STAM: variants seen among roughly 807,000 people sequenced by gnomAD.
STAM encodes the protein signal transducing adaptor molecule, also known as signal transducing adapter molecule 1.
A neutral mutation model predicts 63.4 loss-of-function variants in STAM; 16 were observed. The ratio of observed to expected loss-of-function variants is 0.25; its 90% confidence interval spans 0.17 to 0.38. STAM has a LOEUF of 0.38. Among genes scored for constraint, STAM ranks in the 10% least tolerant of loss-of-function variants. STAM has a pLI of 1.00. For missense variants in STAM, 636 were observed against 657.1 expected (o/e 0.97, Z 0.35); for synonymous variants, 238 against 223.9 (o/e 1.06, Z -0.56).
intron 12 of STAM, among the ~76,000 whole-genome samples, chr10:17,707,560 A>T (rs2131692232): frequency 6.6e-6 from 1 of 152,234 alleles, no homozygotes; most frequent in South Asian, 2.1e-4. Context: ...GGCCCAAGAA[A>T]CTTGGGGCTA....
chr10:17,669,774 C>T (rs782414046), intron 2 of STAM, among the ~76,000 whole-genome samples: 7 of 151,166 alleles, frequency 4.6e-5, no homozygotes, highest in East Asian at 3.9e-4. Context: ...CTCAGCTCAC[C>T]GCAAATGCCG....
At chr10:17,702,192 A>G (rs1393825364) in intron 9 of STAM, among the ~76,000 whole-genome samples, 7 of 152,158 alleles carry the variant, frequency 4.6e-5, no homozygotes, top group African/African-American at 1.7e-4. Flanking sequence ...CCCTTTGCAT[A>G]TTAATAATAA....
intron 5 of STAM, among the ~76,000 whole-genome samples, chr10:17,692,603 G>A (rs1554826916): frequency 6.6e-6 from 1 of 152,202 alleles, no homozygotes. Flanking sequence ...TTAGAAGCTT[G>A]TAATTCCAGA....
chr10:17,697,851 T>C (rs1411547319), intron 8 of STAM, among the ~76,000 whole-genome samples: 2 of 152,116 alleles, frequency 1.3e-5, no homozygotes, highest in Non-Finnish European at 2.9e-5. Context: ...CTCATTATCG[T>C]TTTTTAATGC....
Position 17,644,157 on chromosome 10 carries a change from T to G in STAM, c.-183T>G. ...CGCGGGGGCTTCCTCGGCTCCTTGC[T>G]GTTGCCGCCGCCGCAGCTGCTGCCG... On this transcript the variant is annotated 5_prime_UTR_variant, in exon 1 of 14. Coordinates refer to ENST00000377524, the MANE Select transcript of STAM (RefSeq NM_003473.4). 1 of 644,392 alleles carries G rather than the reference T, an allele frequency of 1.6e-6. No homozygotes were observed. The highest frequency in any genetic ancestry group is 1.7e-5 in the South Asian group (1 of 58,200). The allele number at this position is 644,392 out of a possible 1,614,324, so 39.9% of individuals were successfully genotyped here.
chr10:17,656,445 T>C (rs1056140479), intron 1 of STAM, among the ~76,000 whole-genome samples: 3 of 152,158 alleles, frequency 2.0e-5, no homozygotes, highest in Non-Finnish European at 1.5e-5. Context: ...TGGTGGGCCA[T>C]TGACTATGGA....
intron 8 of STAM, among the ~76,000 whole-genome samples, chr10:17,698,451 C>A (rs1234974115): frequency 6.6e-6 from 1 of 150,580 alleles, no homozygotes; most frequent in Admixed American, 6.6e-5. Flanking sequence ...TATAGCAATG[C>A]AGCTTCAATA....
In STAM at chr10:17,683,236, T is replaced by G. The variant is rs76148048; in HGVS notation, c.126-1439T>G. On this transcript the variant is annotated intron_variant, in intron 2 of 13. Coordinates refer to ENST00000377524, the MANE Select transcript of STAM (RefSeq NM_003473.4). ...TGGAGTACGGTGGTGCCATCACAGC[T>G]CACTGCATCCTCGACCTCTGGGGCT... Among the ~76,000 whole-genome samples the G allele has an allele frequency of 4.5e-3, 680 of 152,300 alleles. 4 individuals carry two copies. The highest frequency in any genetic ancestry group is 0.015 in the African/African-American group (633 of 41,552).
At chr10:17,669,884 CTTTTTTTT>C (rs76381388) in intron 2 of STAM, among the ~76,000 whole-genome samples, 2 of 120,770 alleles carry the variant, frequency 1.7e-5, no homozygotes, top group African/African-American at 3.2e-5. Context: ...CTTTTCTTTT[CTTTTTTTT>C]TTTTTTTTTT....
At chr10:17,657,350 C>T (rs539073182) in intron 1 of STAM, among the ~76,000 whole-genome samples, 6 of 152,254 alleles carry the variant, frequency 3.9e-5, no homozygotes, top group South Asian at 2.1e-4. Flanking sequence ...CTGCCCTGCT[C>T]GTACCTGTCT....
At chr10:17,689,477 T>C (rs1339319297) in intron 5 of STAM, among the ~76,000 whole-genome samples, 1 of 152,210 alleles carries the variant, frequency 6.6e-6, no homozygotes, top group African/African-American at 2.4e-5. Flanking sequence ...ATTCTTCTTC[T>C]TAAAAAAATT....
At chr10:17,685,829 G>A (rs112786527) in intron 4 of STAM, among the ~76,000 whole-genome samples, 44 of 152,296 alleles carry the variant, frequency 2.9e-4, no homozygotes, top group African/African-American at 1.1e-3. Context: ...TAGAATTCTA[G>A]TCACACAGTT....
intron 1 of STAM, among the ~76,000 whole-genome samples, chr10:17,644,667 ATCTGGTGCAGGGACTGTGCT>A (rs1237034593): frequency 1.3e-5 from 2 of 152,148 alleles, no homozygotes; most frequent in African/African-American, 4.8e-5. Context: ...CTGGTGTAGC[ATCTGGTGCAGGGACTGTGCT>A]TCTGGAAGAA....
At chr10:17,672,941 C>T in intron 2 of STAM, 1 of 748,124 alleles carries the variant, frequency 1.3e-6, no homozygotes, top group Non-Finnish European at 1.6e-6. Flanking sequence ...TGTCCCTGCC[C>T]CTGACCCCTA....
Position 17,672,803 on chromosome 10 carries a change from G to T in STAM, c.126-11872G>T, listed in dbSNP as rs374383496. On this transcript the variant is annotated intron_variant, in intron 2 of 13. Coordinates refer to ENST00000377524, the MANE Select transcript of STAM (RefSeq NM_003473.4). ...CCTTGACTTTGGAAACTGACCTTAA[G>T]AATGTTGTTCTTCTGTGACATCTTA... Among the ~76,000 whole-genome samples the T allele has an allele frequency of 2.4e-4, 37 of 152,246 alleles. No individual in the cohort carries two copies. In the East Asian group the frequency reaches 5.6e-3, roughly 23 times the overall value.
chr10:17,678,483 A>G, intron 2 of STAM, among the ~76,000 whole-genome samples: 1 of 152,084 alleles, frequency 6.6e-6, no homozygotes, highest in East Asian at 1.9e-4. Flanking sequence ...CGAACTCCTG[A>G]TCTCAGGTGA....
intron 12 of STAM, among the ~76,000 whole-genome samples, chr10:17,707,071 C>CT (rs1324652627): frequency 1.3e-5 from 2 of 152,188 alleles, no homozygotes; most frequent in African/African-American, 4.8e-5. Context: ...CAAGGACCCC[C>CT]TTTTCACAAA....
At chr10:17,698,844 T>C (rs1184870988) in intron 8 of STAM, among the ~76,000 whole-genome samples, 2 of 152,216 alleles carry the variant, frequency 1.3e-5, no homozygotes, top group African/African-American at 2.4e-5. Flanking sequence ...TTATGGGTAA[T>C]GGCCAATGCA....
At position 17,691,967 on chromosome 10, in the gene STAM, G is replaced by T. The variant is rs193292425; in HGVS notation, c.445-1255G>T. On this transcript the variant is annotated intron_variant, in intron 5 of 13. Coordinates refer to ENST00000377524, the MANE Select transcript of STAM (RefSeq NM_003473.4). ...TGTCATGTGTATTACCTCTACATAC[G>T]TTATAAGCCCCGGAGGTAATGTTAC... is the stretch of plus-strand genomic sequence containing the variant. Among the ~76,000 whole-genome samples the T allele has an allele frequency of 1.9e-3, 287 of 152,254 alleles. 2 individuals carry two copies. The highest frequency in any genetic ancestry group is 7.7e-4 in the East Asian group (4 of 5,182).
Sources: gnomAD v4.1 joint callset for allele counts (sites outside exome capture counted in the v4.1 genomes callset) on GRCh38, gnomAD v4.1.1 for gene constraint, MANE v1.5 for transcripts, NCBI Gene and HGNC (gene_info 2026-07-23, HGNC 2026-07-21) for gene names.